The following IL1RAPL1 variants were observed in gnomAD, a reference collection of about 807,000 sequenced individuals.
IL1RAPL1 encodes interleukin-1 receptor accessory protein-like 1.
Under a neutral mutation model 48.4 loss-of-function variants are expected in IL1RAPL1, and 3 were observed. That is an observed-to-expected ratio of 0.06 (90% confidence interval 0.03 to 0.16). The LOEUF (loss-of-function observed/expected upper bound fraction) is 0.16. IL1RAPL1 is among the 10% of genes least tolerant of loss of function. The pLI is 1.00. For synonymous variants in IL1RAPL1, 185 were observed against 187.7 expected, an observed-to-expected ratio of 0.99 and a Z score of 0.12; for missense variants, 349 against 530.6, an observed-to-expected ratio of 0.66 and a Z score of 3.36.
chrX:29,552,802 C>CTTTTTTTTTTTTTTTTTTTTTTTTT (rs765234944), intron 5 of IL1RAPL1, among the ~76,000 whole-genome samples: 1 of 22,988 alleles, frequency 4.4e-5, no homozygotes, highest in Admixed American at 6.0e-4. Flanking sequence ...TTTCACTCTC[C>CTTTTTTTTTTTTTTTTTTTTTTTTT]TTTTTTTTTT....
chrX:29,116,137 T>G (rs1327077273), intron 2 of IL1RAPL1, among the ~76,000 whole-genome samples: 2 of 111,610 alleles, frequency 1.8e-5, no homozygotes, highest in African/African-American at 3.2e-5. Context: ...TAATTAATTT[T>G]ATTTAAATGT....
chrX:28,877,567 A>T (rs1411710006), intron 2 of IL1RAPL1, among the ~76,000 whole-genome samples: 1 of 112,433 alleles, frequency 8.9e-6, no homozygotes, highest in East Asian at 2.8e-4. Flanking sequence ...ATAATGGACA[A>T]AATGATGTAA....
intron 2 of IL1RAPL1, among the ~76,000 whole-genome samples, chrX:29,230,504 CAAA>C (rs60539139): frequency 4.2e-4 from 7 of 16,595 alleles, no homozygotes; most frequent in Admixed American, 2.3e-3. Context: ...GTCCCTTTAC[CAAA>C]AAAAAAAAAA....
chrX:28,888,986 G>A (rs1922709436), intron 2 of IL1RAPL1, among the ~76,000 whole-genome samples: 1 of 110,717 alleles, frequency 9.0e-6, no homozygotes. Flanking sequence ...AACTCTGCAG[G>A]CAGAGTGCAT....
At chrX:28,870,517 A>G (rs1033761771) in intron 2 of IL1RAPL1, among the ~76,000 whole-genome samples, 6 of 111,932 alleles carry the variant, frequency 5.4e-5, no homozygotes, top group Non-Finnish European at 1.1e-4. Context: ...ATATGAAAAG[A>G]GTTTTGTGAT....
rs1391757808 is a variant in IL1RAPL1, at chrX:29,336,018, T to C, written c.362+52801T>C. Among the ~76,000 whole-genome samples, 124 of 107,977 alleles carry C rather than the reference T, an allele frequency of 1.1e-3. 3 individuals carry two copies. In the Admixed American group the frequency reaches 0.013, roughly 11 times the overall value. 93.8% of individuals were successfully genotyped at this position (107,977 alleles called of 115,157 possible). A position where few individuals can be genotyped will look rare whatever the true frequency, so the allele number is the denominator to read the frequency against. ...GTTGTTTATGGAAATATATCTCAAT[T>C]ATAGCTGTTTTTTATAAGCCTGACC... is the stretch of plus-strand genomic sequence containing the variant. On this transcript the variant is annotated intron_variant, in intron 3 of 10. Coordinates refer to ENST00000378993, the MANE Select transcript of IL1RAPL1 (RefSeq NM_014271.4).
At chrX:28,762,837 G>C (rs75411520) in intron 1 of IL1RAPL1, among the ~76,000 whole-genome samples, 203 of 40,961 alleles carry the variant, frequency 5.0e-3, no homozygotes, top group African/African-American at 0.014. Context: ...GAGAGAGAGA[G>C]AGAGAGAGAG....
At position 28,762,779 on chromosome X, in the gene IL1RAPL1, C is replaced by CGCGT. The variant is rs112116690; in HGVS notation, c.-24-26538_-24-26537insTGCG. Among the ~76,000 whole-genome samples, 334 of 65,626 alleles carry CGCGT rather than the reference C, an allele frequency of 5.1e-3. 2 individuals are homozygous for CGCGT. Among genetic ancestry groups the CGCGT allele is most frequent in the African/African-American group, 0.027 (318 of 11,923 alleles). The allele number at this position is 65,626 out of a possible 115,157, so 57.0% of individuals were successfully genotyped here. ...GTATATATATAAAATCTAATACGCA[C>CGCGT]GCGCGCGCACACACACACACACACA... On this transcript the variant is annotated intron_variant, in intron 1 of 10. Transcript: ENST00000378993.
intron 3 of IL1RAPL1, among the ~76,000 whole-genome samples, chrX:29,302,763 T>C (rs890660231): frequency 1.8e-5 from 2 of 111,652 alleles, no homozygotes; most frequent in East Asian, 5.6e-4. Flanking sequence ...AATGGAGGGC[T>C]TGGAGAGTAG....
At chrX:28,589,287 G>A (rs771345335) in intron 1 of IL1RAPL1, among the ~76,000 whole-genome samples, 25 of 111,427 alleles carry the variant, frequency 2.2e-4, no homozygotes, top group Non-Finnish European at 4.7e-4. Context: ...TTCAGTCAAC[G>A]ATAGTGAGAT....
At chrX:29,845,992 A>AC (rs1931238834) in intron 6 of IL1RAPL1, among the ~76,000 whole-genome samples, 1 of 110,123 alleles carries the variant, frequency 9.1e-6, no homozygotes, top group Non-Finnish European at 1.9e-5. Context: ...TGAGAAACCC[A>AC]CCCCCATGAA....
intron 2 of IL1RAPL1, among the ~76,000 whole-genome samples, chrX:29,168,472 T>C (rs902545428): frequency 9.9e-6 from 1 of 101,078 alleles, no homozygotes; most frequent in African/African-American, 3.5e-5. Flanking sequence ...GCTTATTTCA[T>C]TTAACATAAT....
intron 2 of IL1RAPL1, among the ~76,000 whole-genome samples, chrX:28,995,680 C>T (rs1925708705): frequency 9.0e-6 from 1 of 111,176 alleles, no homozygotes; most frequent in Admixed American, 9.7e-5. Context: ...AATGATTCTG[C>T]TATTAGTCTT....
At chrX:28,915,978 A>G (rs1923481720) in intron 2 of IL1RAPL1, among the ~76,000 whole-genome samples, 1 of 110,346 alleles carries the variant, frequency 9.1e-6, no homozygotes, top group Non-Finnish European at 1.9e-5. Flanking sequence ...TTAATTTGAA[A>G]TAGCTAATAA....
Position 29,899,483 on chromosome X carries a change from T to G in IL1RAPL1, c.779-17981T>G, listed in dbSNP as rs750953479. On this transcript the variant is annotated intron_variant, in intron 6 of 10. Coordinates refer to ENST00000378993, the MANE Select transcript of IL1RAPL1 (RefSeq NM_014271.4). ...ATAAATAACAAGTCTTCCTCAAGAA[T>G]GAAAAGAACTCTGAGAGACGTAGCT... Among the ~76,000 whole-genome samples, 4 of 109,780 alleles carry G rather than the reference T, an allele frequency of 3.6e-5. No homozygotes were observed. The East Asian group carries it at 8.6e-4, about 23-fold the overall frequency.
intron 5 of IL1RAPL1, among the ~76,000 whole-genome samples, chrX:29,534,653 G>A (rs1921152694): frequency 1.8e-5 from 2 of 110,062 alleles, no homozygotes; most frequent in South Asian, 3.9e-4. Flanking sequence ...TGGGCAACAT[G>A]GCAAAACCTC....
intron 2 of IL1RAPL1, among the ~76,000 whole-genome samples, chrX:29,242,219 T>C (rs889039026): frequency 2.7e-5 from 3 of 112,851 alleles, no homozygotes; most frequent in African/African-American, 9.6e-5. Flanking sequence ...ATTGATGCTT[T>C]GTATGTGCTA....
chrX:29,617,232 G>T (rs112273000), intron 5 of IL1RAPL1, among the ~76,000 whole-genome samples: 7 of 112,305 alleles, frequency 6.2e-5, no homozygotes, highest in Non-Finnish European at 1.1e-4. Flanking sequence ...TCTGGATAAT[G>T]ATTTCTTAAG....
At chrX:28,853,254 G>C (rs904223395) in intron 2 of IL1RAPL1, among the ~76,000 whole-genome samples, 1 of 111,566 alleles carries the variant, frequency 9.0e-6, no homozygotes, top group East Asian at 2.8e-4. Context: ...TTTCCACGGG[G>C]AAAGCTCAGG....
Sources: allele counts gnomAD v4.1 joint callset (sites outside exome capture counted in the v4.1 genomes callset), GRCh38; gene constraint gnomAD v4.1.1; transcripts MANE v1.5; gene names NCBI Gene and HGNC (gene_info 2026-07-23, HGNC 2026-07-21).